DGKI: variants seen among roughly 807,000 people sequenced by gnomAD.
DGKI encodes the protein diacylglycerol kinase iota.
DGKI carries 55 observed loss-of-function variants against 147.5 expected under a neutral mutation model. The ratio of observed to expected loss-of-function variants is 0.37; its 90% CI spans 0.30 to 0.47. The LOEUF is 0.47. Among genes scored for constraint, DGKI ranks in the 20% least tolerant of loss-of-function variants. The pLI is 1.00. For missense variants in DGKI, 1,007 were observed against 1,323.8 expected (o/e 0.76, Z 3.71); for synonymous variants, 469 against 477.1 (o/e 0.98, Z 0.22).
At chr7:137,713,260 T>C (rs982900365) in intron 1 of DGKI, among the ~76,000 whole-genome samples, 4 of 152,296 alleles carry the variant, frequency 2.6e-5, no homozygotes, top group African/African-American at 9.6e-5. Flanking sequence ...AATAGATACC[T>C]GGCTCCAGCT....
At chr7:137,707,195 T>A (rs908499106) in intron 1 of DGKI, among the ~76,000 whole-genome samples, 1 of 151,812 alleles carries the variant, frequency 6.6e-6, no homozygotes, top group African/African-American at 2.4e-5. Flanking sequence ...AATTAGGGAG[T>A]GGGGTGGTCT....
At chr7:137,564,581 C>T (rs1818520943) in intron 19 of DGKI, among the ~76,000 whole-genome samples, 1 of 150,874 alleles carries the variant, frequency 6.6e-6, no homozygotes, top group South Asian at 2.1e-4. Context: ...TTAAAAAAAA[C>T]AAAATGGTAA....
At chr7:137,841,123 A>T (rs1798531921) in intron 1 of DGKI, among the ~76,000 whole-genome samples, 1 of 152,272 alleles carries the variant, frequency 6.6e-6, no homozygotes, top group Non-Finnish European at 1.5e-5. Context: ...GTCCCAGACC[A>T]GAAAATGACA....
chr7:137,788,305 T>A lies in DGKI; in HGVS notation c.401+58157A>T, dbSNP rs540016353. On this transcript the variant is annotated intron_variant, in intron 1 of 32. Transcript: ENST00000614521. ...CTTGATGGGGTTCATTTAAAACTCA[T>A]CATGTCCCAAGGTGAATCTTGCCAT... Among the ~76,000 whole-genome samples the A allele has an allele frequency of 3.9e-5, 6 of 152,196 alleles. No homozygotes were observed. The East Asian group carries it at 1.2e-3, about 29-fold the overall frequency.
At chr7:137,656,065 G>A (rs192406483) in intron 4 of DGKI, among the ~76,000 whole-genome samples, 232 of 152,326 alleles carry the variant, frequency 1.5e-3, no homozygotes, top group African/African-American at 5.4e-3. Flanking sequence ...TTAGGAAGAC[G>A]TAAACCACAC....
chr7:137,569,073 G>A (rs1405047675), intron 19 of DGKI, among the ~76,000 whole-genome samples: 2 of 152,098 alleles, frequency 1.3e-5, no homozygotes, highest in African/African-American at 4.8e-5. Flanking sequence ...AAGCAAGGGA[G>A]AGCCGATGCT....
chr7:137,744,924 C>G (rs1795280300), intron 1 of DGKI, among the ~76,000 whole-genome samples: 2 of 152,110 alleles, frequency 1.3e-5, no homozygotes, highest in Non-Finnish European at 2.9e-5. Flanking sequence ...GACAAACTCA[C>G]AGCCAACATC....
chr7:137,522,074 G>C (rs1342685694), intron 20 of DGKI, 108 bp from the exon 21 acceptor site: 3 of 749,072 alleles, frequency 4.0e-6, no homozygotes, highest in Non-Finnish European at 6.4e-6. Flanking sequence ...AGAAGGAAGA[G>C]TTCACATTCA....
intron 28 of DGKI, among the ~76,000 whole-genome samples, chr7:137,418,818 C>A (rs1010537222): frequency 6.6e-6 from 1 of 152,178 alleles, no homozygotes; most frequent in African/African-American, 2.4e-5. Flanking sequence ...AGTTGATTCA[C>A]TGGGAATCAT....
chr7:137,680,968 G>C (rs1305546333), intron 2 of DGKI, among the ~76,000 whole-genome samples: 1 of 152,156 alleles, frequency 6.6e-6, no homozygotes, highest in Non-Finnish European at 1.5e-5. Flanking sequence ...TGTGACATGT[G>C]ATGTAGGTGC....
intron 3 of DGKI, among the ~76,000 whole-genome samples, chr7:137,672,292 G>A (rs199655606): frequency 6.6e-6 from 1 of 152,186 alleles, no homozygotes; most frequent in Non-Finnish European, 1.5e-5. Context: ...AGAAAGCAAA[G>A]AAGCCATAAA....
intron 28 of DGKI, among the ~76,000 whole-genome samples, chr7:137,420,195 C>G (rs1312556681): frequency 1.3e-5 from 2 of 152,122 alleles, no homozygotes; most frequent in Non-Finnish European, 2.9e-5. Context: ...TGGCTGGGTT[C>G]CAAAAGCAAC....
At chr7:137,428,684 G>C (rs1037024510) in intron 28 of DGKI, among the ~76,000 whole-genome samples, 5 of 152,100 alleles carry the variant, frequency 3.3e-5, no homozygotes, top group East Asian at 1.9e-4. Context: ...TCCTTAAGCT[G>C]ATAAGCAACT....
rs1811591734 is a variant in DGKI, at chr7:137,397,399, A to G, written c.2935T>C (p.Leu979=). 1.9e-6 allele frequency: 3 copies of G among 1,613,398 alleles called. No individual in the cohort carries two copies. The highest frequency in any genetic ancestry group is 2.5e-6 in the Non-Finnish European group (3 of 1,179,856). Residue 979 remains leucine, a synonymous_variant, in exon 31 of 33, where the codon TTG becomes CTG. Transcript: ENST00000614521. ...CACGTTTCACTGTCTGCCATATCCA[A>G]TAACTCGGAAGGTCCTAAATAAGAA... ...YILDHGPSEL[L]DMADSETGET...
intron 12 of DGKI, among the ~76,000 whole-genome samples, chr7:137,593,247 G>A (rs1819676008): frequency 1.3e-5 from 2 of 152,130 alleles, no homozygotes; most frequent in South Asian, 4.2e-4. Flanking sequence ...GGGACCATGG[G>A]TCACACACCT....
chr7:137,426,994 G>T lies in DGKI; in HGVS notation c.2762-14787C>A, dbSNP rs533865505. Among the ~76,000 whole-genome samples, 9 of 150,540 alleles carry T rather than the reference G, an allele frequency of 6.0e-5. No individual in the cohort carries two copies. In the East Asian group the frequency reaches 1.8e-3, roughly 30 times the overall value. ...CTGTCAACATTAGACAGATCAACGA[G>T]ACAGAAAGTCAACAAGGATACCCAG... On this transcript the variant is annotated intron_variant, in intron 28 of 32. Coordinates refer to ENST00000614521, the MANE Select transcript of DGKI (RefSeq NM_001321708.2).
intron 3 of DGKI, among the ~76,000 whole-genome samples, chr7:137,676,235 A>G (rs1823034200): frequency 6.6e-6 from 1 of 152,140 alleles, no homozygotes. Flanking sequence ...AGCAGCAACT[A>G]TTACCATTTT....
chr7:137,424,518 G>T (rs1480662052), intron 28 of DGKI, among the ~76,000 whole-genome samples: 1 of 152,184 alleles, frequency 6.6e-6, no homozygotes, highest in Non-Finnish European at 1.5e-5. Flanking sequence ...TCTCACTAGG[G>T]AATGCCAGAC....
chr7:137,792,871 G>T (rs955870395), intron 1 of DGKI, among the ~76,000 whole-genome samples: 1 of 152,172 alleles, frequency 6.6e-6, no homozygotes, highest in Non-Finnish European at 1.5e-5. Context: ...GCAGAGGCTG[G>T]TGCCATGCTT....
Sources: allele counts gnomAD v4.1 joint callset (sites outside exome capture counted in the v4.1 genomes callset), GRCh38; gene constraint gnomAD v4.1.1; transcripts MANE v1.5; gene names NCBI Gene and HGNC (gene_info 2026-07-23, HGNC 2026-07-21).